CNTNAP2: variants seen among roughly 807,000 people sequenced by gnomAD.
CNTNAP2 encodes the protein contactin associated protein 2, also known as contactin-associated protein-like 2.
A neutral mutation model predicts 155.2 loss-of-function variants in CNTNAP2; 98 were observed. The observed-to-expected ratio is 0.63, with a 90% CI of 0.54 to 0.75. The LOEUF (loss-of-function observed/expected upper bound fraction) is 0.75, where lower values mean the gene tolerates loss of function less well. Among genes scored for constraint, CNTNAP2 ranks in the 30% least tolerant of loss-of-function variants. CNTNAP2 has a pLI of 0.00. For missense variants in CNTNAP2, 1,727 were observed against 1,688.1 expected (o/e 1.02, Z -0.40); for synonymous variants, 651 against 631.2 (o/e 1.03, Z -0.47).
chr7:146,724,044 C>T (rs1401433443), intron 1 of CNTNAP2, among the ~76,000 whole-genome samples: 3 of 152,112 alleles, frequency 2.0e-5, no homozygotes, highest in Admixed American at 6.6e-5. Context: ...TTACTACCTG[C>T]CCCACATTTT....
chr7:147,921,565 G>T (rs1251139991), intron 14 of CNTNAP2, among the ~76,000 whole-genome samples: 1 of 152,110 alleles, frequency 6.6e-6, no homozygotes, highest in Non-Finnish European at 1.5e-5. Context: ...TTGAGTTCCT[G>T]TTATGCACAA....
chr7:148,026,511 A>G (rs533229887), intron 15 of CNTNAP2, among the ~76,000 whole-genome samples: 7 of 152,292 alleles, frequency 4.6e-5, no homozygotes, highest in Admixed American at 4.6e-4. Context: ...CATTCTGTGT[A>G]GGGGGAATAA....
At chr7:147,658,482 G>T (rs1315837943) in intron 13 of CNTNAP2, among the ~76,000 whole-genome samples, 1 of 152,152 alleles carries the variant, frequency 6.6e-6, no homozygotes, top group Non-Finnish European at 1.5e-5. Context: ...CACACTGTGT[G>T]GGTAAGGTAT....
At chr7:148,152,333 T>A (rs1805311810) in intron 17 of CNTNAP2, among the ~76,000 whole-genome samples, 1 of 151,840 alleles carries the variant, frequency 6.6e-6, no homozygotes, top group Non-Finnish European at 1.5e-5. Context: ...GGAGATGGAA[T>A]CATAGGGGTG....
At chr7:147,393,645 G>A (rs1437971934) in intron 9 of CNTNAP2, among the ~76,000 whole-genome samples, 1 of 151,944 alleles carries the variant, frequency 6.6e-6, no homozygotes, top group Non-Finnish European at 1.5e-5. Context: ...GGTATAAACA[G>A]ATCATTTACC....
rs533726261 is a variant in CNTNAP2 at position 146,300,981 on chromosome 7, A to G, written c.97+184008A>G. On this transcript the variant is annotated intron_variant, in intron 1 of 23. Transcript: ENST00000361727. ...GTGCTGAGGGTGGACTGTTCAACAT[A>G]ACAGATGATTAGCTTTCACCTGAAT... Among the ~76,000 whole-genome samples, 32 of 152,300 alleles carry G rather than the reference A, an allele frequency of 2.1e-4. 1 individual carries two copies. Among genetic ancestry groups the G allele is most frequent in the Admixed American group, 1.8e-3 (27 of 15,288 alleles).
At chr7:148,089,143 A>G (rs1020923392) in intron 15 of CNTNAP2, among the ~76,000 whole-genome samples, 1 of 152,002 alleles carries the variant, frequency 6.6e-6, no homozygotes, top group Non-Finnish European at 1.5e-5. Context: ...TAGGTACAGA[A>G]TAAATGTATC....
chr7:146,963,392 TAGAGG>T (rs1322609703), intron 3 of CNTNAP2, among the ~76,000 whole-genome samples: 1 of 152,206 alleles, frequency 6.6e-6, no homozygotes, highest in Admixed American at 6.5e-5. Context: ...AAATCTTTGA[TAGAGG>T]AAAGAAAAAT....
rs552841077 is a variant in CNTNAP2 at position 146,365,463 on chromosome 7, A to C, written c.97+248490A>C. On this transcript the variant is annotated intron_variant, in intron 1 of 23. Coordinates refer to ENST00000361727, the MANE Select transcript of CNTNAP2 (RefSeq NM_014141.6). ...AGCACTAAAACACTTATAGTAATTA[A>C]ATTTCTACCTGGAGAAGCATAAAGG... 1.2e-4 allele frequency among the ~76,000 whole-genome samples: 19 copies of C among 152,328 alleles called. No homozygotes were observed. The South Asian group carries it at 3.9e-3, about 32-fold the overall frequency.
intron 14 of CNTNAP2, among the ~76,000 whole-genome samples, chr7:147,930,298 A>G (rs1800476090): frequency 6.6e-6 from 1 of 152,226 alleles, no homozygotes; most frequent in African/African-American, 2.4e-5. Flanking sequence ...TTTGAAAACA[A>G]CAACGACAAA....
At chr7:146,922,995 A>G (rs1393215209) in intron 3 of CNTNAP2, among the ~76,000 whole-genome samples, 1 of 152,214 alleles carries the variant, frequency 6.6e-6, no homozygotes, top group Non-Finnish European at 1.5e-5. Context: ...AATGTTTTCA[A>G]TCACATTTTA....
At chr7:147,618,003 G>GT (rs1326455296) in intron 12 of CNTNAP2, among the ~76,000 whole-genome samples, 4 of 152,118 alleles carry the variant, frequency 2.6e-5, no homozygotes, top group African/African-American at 9.7e-5. Context: ...CTTATAGTTA[G>GT]TGTTCAAGTG....
chr7:148,415,400 TCTC>T lies in CNTNAP2; in HGVS notation c.3797-14_3797-12del, dbSNP rs1799958775. 1 of 1,612,094 alleles carries T rather than the reference TCTC, an allele frequency of 6.2e-7. No individual in the cohort carries two copies. Among genetic ancestry groups the T allele is most frequent in the Admixed American group, 1.7e-5 (1 of 60,008 alleles). On this transcript the variant is annotated splice_polypyrimidine_tract_variant and intron_variant, in intron 23 of 23. Transcript: ENST00000361727. ...CAAGCCCTGTCTAACCTCTCGTGCT[TCTC>T]CTTTCTCCGTCAGGCGTCATTGCTG...
At chr7:147,944,524 A>G (rs1348862266) in intron 14 of CNTNAP2, among the ~76,000 whole-genome samples, 1 of 152,242 alleles carries the variant, frequency 6.6e-6, no homozygotes, top group African/African-American at 2.4e-5. Context: ...AAAAGAAAAT[A>G]ATGTTAAGAG....
chr7:147,315,123 AAAAAAAGTCTTTGGC>A (rs1795202226), intron 9 of CNTNAP2, among the ~76,000 whole-genome samples: 1 of 150,774 alleles, frequency 6.6e-6, no homozygotes, highest in Non-Finnish European at 1.5e-5. Flanking sequence ...AAAAAAAAAA[AAAAAAAGTCTTTGGC>A]TGCCTTCTTA....
intron 1 of CNTNAP2, among the ~76,000 whole-genome samples, chr7:146,717,982 C>T (rs1392677164): frequency 6.6e-6 from 1 of 152,082 alleles, no homozygotes. Flanking sequence ...AAATTATTGT[C>T]AGATGCTTCT....
chr7:146,543,531 C>T (rs1797985611), intron 1 of CNTNAP2, among the ~76,000 whole-genome samples: 1 of 151,898 alleles, frequency 6.6e-6, no homozygotes, highest in African/African-American at 2.4e-5. Flanking sequence ...AGATGACTGA[C>T]ATGAGATCCA....
chr7:147,633,349 C>T (rs1383064125), intron 12 of CNTNAP2, among the ~76,000 whole-genome samples: 2 of 152,188 alleles, frequency 1.3e-5, no homozygotes, highest in African/African-American at 2.4e-5. Flanking sequence ...CAGAAGTTTG[C>T]TTTGCTACAG....
intron 13 of CNTNAP2, among the ~76,000 whole-genome samples, chr7:147,734,989 T>C (rs1796815952): frequency 6.6e-6 from 1 of 151,908 alleles, no homozygotes; most frequent in Non-Finnish European, 1.5e-5. Flanking sequence ...ATTGATTTTT[T>C]TTTTTGAAGG....
Sources: allele counts gnomAD v4.1 joint callset (sites outside exome capture counted in the v4.1 genomes callset), GRCh38; gene constraint gnomAD v4.1.1; transcripts MANE v1.5; gene names NCBI Gene and HGNC (gene_info 2026-07-23, HGNC 2026-07-21).